PIBF1: variants seen among roughly 807,000 people sequenced by gnomAD.
PIBF1 encodes the protein progesterone immunomodulatory binding factor 1, also known as progesterone-induced-blocking factor 1.
A neutral mutation model predicts 112.5 loss-of-function variants in PIBF1; 90 were observed. The ratio of observed to expected loss-of-function variants is 0.80; its 90% CI spans 0.67 to 0.95. PIBF1 has a LOEUF of 0.95. PIBF1 is among the 40% of genes least tolerant of loss of function. The pLI is 0.00. For synonymous variants in PIBF1, 301 were observed against 288.6 expected (o/e 1.04, Z -0.44); for missense variants, 915 against 852.3 (o/e 1.07, Z -0.92).
intron 16 of PIBF1, among the ~76,000 whole-genome samples, chr13:72,993,560 C>T (rs543510472): frequency 6.6e-6 from 1 of 152,022 alleles, no homozygotes; most frequent in South Asian, 2.1e-4. Flanking sequence ...TCCTGGCTAA[C>T]ACAGTGAAAC....
rs75513080 is a variant in PIBF1 at position 72,997,081 on chromosome 13, C to T, written c.2050-1741C>T. Reference sequence around the variant, plus strand: ...GTGAATTTCCCTTCTAATCTCCTGACCACTAAACCCCCCTTTACCTTATTT... The same window carrying T: ...GTGAATTTCCCTTCTAATCTCCTGATCACTAAACCCCCCTTTACCTTATTT... On this transcript the variant is annotated intron_variant, in intron 16 of 17. Transcript: ENST00000326291. 4.4e-4 allele frequency among the ~76,000 whole-genome samples: 67 copies of T among 152,324 alleles called. 1 individual carries two copies. The East Asian group carries it at 0.012, about 28-fold the overall frequency.
chr13:72,835,172 T>C, intron 8 of PIBF1, 71 bp from the exon 9 acceptor site: 1 of 1,108,654 alleles, frequency 9.0e-7, no homozygotes, highest in Non-Finnish European at 1.2e-6. Flanking sequence ...GGTATTAAAA[T>C]CTTACGTACA....
chr13:72,875,092 T>C (rs1021965677), intron 10 of PIBF1, among the ~76,000 whole-genome samples: 1 of 152,168 alleles, frequency 6.6e-6, no homozygotes, highest in Admixed American at 6.5e-5. Context: ...TTCAGAATAG[T>C]TTCATTACTA....
At chr13:72,836,530 A>G (rs9573043) in intron 9 of PIBF1, among the ~76,000 whole-genome samples, 41,956 of 152,076 alleles carry the variant, frequency 0.28, 6,875 homozygotes, top group East Asian at 0.47. Flanking sequence ...GTTAGCCACT[A>G]CTATAAAAAC....
chr13:72,851,820 G>T (rs147833462), intron 9 of PIBF1, among the ~76,000 whole-genome samples: 1 of 152,198 alleles, frequency 6.6e-6, no homozygotes, highest in South Asian at 2.1e-4. Flanking sequence ...ACCTCTGGAC[G>T]ATCTGCCTGC....
chr13:72,831,027 C>A (rs912014827), intron 8 of PIBF1, among the ~76,000 whole-genome samples: 1 of 152,022 alleles, frequency 6.6e-6, no homozygotes, highest in East Asian at 1.9e-4. Context: ...TTATCCATTT[C>A]TTTTAGATTT....
intron 10 of PIBF1, among the ~76,000 whole-genome samples, chr13:72,866,781 T>A (rs543551695): frequency 6.6e-5 from 10 of 152,300 alleles, no homozygotes; most frequent in African/African-American, 2.2e-4. Context: ...GATGCTCTTA[T>A]AATGACTATT....
At chr13:72,946,122 A>C (rs1462009613) in intron 14 of PIBF1, among the ~76,000 whole-genome samples, 2 of 152,118 alleles carry the variant, frequency 1.3e-5, no homozygotes, top group Non-Finnish European at 2.9e-5. Context: ...TCAATGAAGG[A>C]AAGAGGTTTC....
intron 13 of PIBF1, among the ~76,000 whole-genome samples, chr13:72,922,089 C>A (rs922545992): frequency 4.6e-5 from 7 of 152,104 alleles, no homozygotes; most frequent in Admixed American, 2.0e-4. Context: ...AAGTGATCCT[C>A]CTTTCTATCT....
rs1038638523 is a variant in PIBF1, at chr13:72,916,847, A to G, written c.1640-229A>G. On this transcript the variant is annotated intron_variant, in intron 12 of 17. Coordinates refer to ENST00000326291, the MANE Select transcript of PIBF1 (RefSeq NM_006346.4). Reference sequence around the variant, plus strand: ...TTTTAACAAGAAAACCTAACATGATATGATGCAATCCCTTATACATTTCAA... The same window carrying G: ...TTTTAACAAGAAAACCTAACATGATGTGATGCAATCCCTTATACATTTCAA... Among the ~76,000 whole-genome samples the G allele has an allele frequency of 8.5e-5, 13 of 152,164 alleles. 1 individual carries two copies. The highest frequency in any genetic ancestry group is 6.6e-5 in the Admixed American group (1 of 15,266).
chr13:72,937,892 T>C (rs959460442), intron 14 of PIBF1, among the ~76,000 whole-genome samples: 1 of 152,154 alleles, frequency 6.6e-6, no homozygotes, highest in African/African-American at 2.4e-5. Context: ...ATATGTTAAA[T>C]TTAAATAGTT....
chr13:72,818,747 G>C (rs2036411723), intron 5 of PIBF1, among the ~76,000 whole-genome samples: 1 of 112,966 alleles, frequency 8.9e-6, no homozygotes, highest in African/African-American at 3.5e-5. Flanking sequence ...TATCAAACCA[G>C]ACTGAAAAAC....
At chr13:72,995,940 C>T (rs1276821739) in intron 16 of PIBF1, among the ~76,000 whole-genome samples, 3 of 139,230 alleles carry the variant, frequency 2.2e-5, no homozygotes, top group Non-Finnish European at 4.7e-5. Flanking sequence ...CAGAGCGAGA[C>T]TCCATCTCAA....
chr13:72,913,963 T>C (rs1041008289), intron 12 of PIBF1, among the ~76,000 whole-genome samples: 5 of 152,230 alleles, frequency 3.3e-5, no homozygotes, highest in African/African-American at 4.8e-5. Context: ...TCAGTTCACA[T>C]TGGAAATTAA....
intron 4 of PIBF1, among the ~76,000 whole-genome samples, chr13:72,795,811 A>T (rs1201552204): frequency 6.6e-6 from 1 of 152,192 alleles, no homozygotes; most frequent in Admixed American, 6.5e-5. Context: ...GGTTTCTTAC[A>T]TTCTCAAAAT....
chr13:72,990,486 A>G (rs1286826752), intron 16 of PIBF1, among the ~76,000 whole-genome samples: 1 of 142,506 alleles, frequency 7.0e-6, no homozygotes, highest in Non-Finnish European at 1.5e-5. Context: ...GTGCCACTAC[A>G]CTCCAGCCTG....
At chr13:72,989,469 G>A (rs564669706) in intron 16 of PIBF1, among the ~76,000 whole-genome samples, 3 of 152,292 alleles carry the variant, frequency 2.0e-5, no homozygotes, top group East Asian at 3.9e-4. Flanking sequence ...AGTGAAAGAA[G>A]CCAGTCACAA....
At chr13:72,923,210 A>G (rs946994119) in intron 13 of PIBF1, among the ~76,000 whole-genome samples, 1 of 152,200 alleles carries the variant, frequency 6.6e-6, no homozygotes, top group African/African-American at 2.4e-5. Context: ...TTGTGCTTTG[A>G]TATCTCAGAT....
chr13:72,796,538 A>G (rs2035207830), intron 4 of PIBF1, among the ~76,000 whole-genome samples: 1 of 152,076 alleles, frequency 6.6e-6, no homozygotes, highest in Non-Finnish European at 1.5e-5. Context: ...ACACATAAAA[A>G]TGTTGTCTAT....
Sources: gnomAD v4.1 joint callset for allele counts (sites outside exome capture counted in the v4.1 genomes callset) on GRCh38, gnomAD v4.1.1 for gene constraint, MANE v1.5 for transcripts, NCBI Gene and HGNC (gene_info 2026-07-23, HGNC 2026-07-21) for gene names.